Variants in NSUN2 observed in about 807,000 individuals in gnomAD.
The protein encoded by NSUN2 is NOP2/Sun RNA methyltransferase 2.
In NSUN2, 63 loss-of-function variants were observed where a neutral mutation model predicts 92.7. That is an observed-to-expected ratio of 0.68 (90% CI 0.56 to 0.84). NSUN2 has a LOEUF of 0.84. NSUN2 is among the 40% of genes least tolerant of loss of function. The pLI, the probability that NSUN2 is intolerant of heterozygous loss-of-function variation, is 0.00. For synonymous variants in NSUN2, 356 were observed against 348.3 expected, an observed-to-expected ratio of 1.02 and a Z score of -0.25; for missense variants, 989 against 964.9, an observed-to-expected ratio of 1.02 and a Z score of -0.33.
At position 6,617,953 on chromosome 5, in the gene NSUN2, T is replaced by G; in HGVS notation, c.887A>C (p.His296Pro). ...KWTTLNSLQL[H>P]GLQLRIATRG... ...GCAGTGATGAAGTTTTACTTACCCA[T>G]GTAGCTGCAAGCTATTTAAGGTGGT... Residue 296 changes from histidine to proline, a missense_variant, in exon 8 of 19, where the codon CAT (histidine) becomes CCT (proline). His to Pro is a moderately conservative substitution (Grantham distance 77). Coordinates refer to ENST00000264670, the MANE Select transcript of NSUN2 (RefSeq NM_017755.6). 6.2e-7 allele frequency: 1 copy of G among 1,612,312 alleles called. No individual in the cohort carries two copies. Among genetic ancestry groups the G allele is most frequent in the Non-Finnish European group, 8.5e-7 (1 of 1,178,460 alleles).
At chr5:6,621,149 A>C (rs1463291446) in intron 6 of NSUN2, 1 of 152,130 alleles carries the variant, frequency 6.6e-6, no homozygotes, top group Non-Finnish European at 1.5e-5. Context: ...ATTTGTTTCC[A>C]CTTAAGAGAA....
Position 6,604,689 on chromosome 5 carries a change from T to C in NSUN2, c.1738-4A>G. ...CTTTGATCCCCGTGTTAATAACCTGTAAGTAAAAAAATAAGATGAAACACA... is the reference window on the plus strand; with the variant it reads ...CTTTGATCCCCGTGTTAATAACCTGCAAGTAAAAAAATAAGATGAAACACA... On this transcript the variant is annotated splice_region_variant and splice_polypyrimidine_tract_variant and intron_variant, in intron 15 of 18. Transcript: ENST00000264670. The C allele has an allele frequency of 6.2e-7, 1 of 1,611,088 alleles. No individual in the cohort carries two copies. Among genetic ancestry groups the C allele is most frequent in the South Asian group, 1.1e-5 (1 of 91,014 alleles).
At chr5:6,624,432 C>A (rs879710167) in intron 4 of NSUN2, among the ~76,000 whole-genome samples, 1 of 152,154 alleles carries the variant, frequency 6.6e-6, no homozygotes, top group Admixed American at 6.5e-5. Context: ...ACATTTGCTA[C>A]CCACCCTAAA....
chr5:6,621,244 T>C (rs1737423549), intron 6 of NSUN2: 1 of 152,168 alleles, frequency 6.6e-6, no homozygotes, highest in Non-Finnish European at 1.5e-5. Context: ...ACATGGGATG[T>C]CTAACACTGT....
At chr5:6,626,520 T>C (rs1441146611) in intron 3 of NSUN2, among the ~76,000 whole-genome samples, 1 of 152,068 alleles carries the variant, frequency 6.6e-6, no homozygotes, top group Non-Finnish European at 1.5e-5. Context: ...ATTACAGACG[T>C]GTATTTTCAG....
In NSUN2 at chr5:6,605,296, G is replaced by C. The variant is rs369329672; in HGVS notation, c.1714C>G (p.Leu572Val). ...ACCTTCATCTTCTCACTGTTATTCA[G>C]CAGCACATTCCGCAACTCCTTAGAA... ...MVSKELRNVL[L>V]NNSEKMKVIN... Residue 572 changes from leucine to valine, a missense_variant, in exon 15 of 19, where the codon CTG becomes GTG. Leu to Val is a conservative substitution (Grantham distance 32, BLOSUM62 1). Around this residue, in one of 3 missense-constraint regions of NSUN2, gnomAD observed 626 missense variants for 602.3 expected, o/e 1.04. Transcript: ENST00000264670. 1 of 1,614,052 alleles carries C rather than the reference G, an allele frequency of 6.2e-7. No homozygotes were observed. The highest frequency in any genetic ancestry group is 8.5e-7 in the Non-Finnish European group (1 of 1,180,018).
intron 6 of NSUN2, 165 bp downstream of exon 6, chr5:6,621,851 G>A (rs184442502): frequency 1.6e-4 from 99 of 603,172 alleles, no homozygotes; most frequent in African/African-American, 1.6e-3. Flanking sequence ...TACTACTGAC[G>A]GTGGTAGGCA....
At chr5:6,630,577 T>C (rs1737838479) in intron 3 of NSUN2, among the ~76,000 whole-genome samples, 1 of 152,244 alleles carries the variant, frequency 6.6e-6, no homozygotes, top group Non-Finnish European at 1.5e-5. Flanking sequence ...TGATACTGGT[T>C]GAATACTGAC....
Position 6,604,637 on chromosome 5 carries a change from C to A in NSUN2, c.1786G>T (p.Glu596Ter). ...KVWCRNNSGEEFDCAFRLAQE... is the reference protein window; with the variant it reads ...KVWCRNNSGE ...GCCAGCCGGAAAGCACAGTCAAACT[C>A]TTCACCGCTGTTATTTCTACACCAG... The change falls in exon 16 of 19, where the codon GAG becomes TAG. Residue 596 changes from glutamate to a stop codon, truncating the protein, a stop_gained. Transcript: ENST00000264670. LOFTEE classifies it high-confidence loss of function. The A allele has an allele frequency of 6.2e-7, 1 of 1,614,182 alleles. No homozygotes were observed.
intron 16 of NSUN2, 62 bp from the exon 17 acceptor site, chr5:6,604,338 C>T: frequency 2.1e-6 from 3 of 1,435,100 alleles, no homozygotes; most frequent in East Asian, 2.3e-5. Context: ...CGACAACAGC[C>T]TGCTCTCAGG....
intron 16 of NSUN2, 94 bp downstream of exon 16, chr5:6,604,511 C>T: frequency 4.2e-6 from 5 of 1,176,602 alleles, no homozygotes; most frequent in Non-Finnish European, 5.1e-6. Flanking sequence ...AGCCCTGAGC[C>T]ACTCAGACCA....
In NSUN2 at chr5:6,620,179, T is replaced by C; in HGVS notation, c.742A>G (p.Arg248Gly). The change falls in exon 7 of 19, where the codon AGG becomes GGG. Residue 248 changes from arginine (R) to glycine (G), a missense_variant. Arg to Gly is a moderately radical substitution (Grantham distance 125, BLOSUM62 -2). This residue lies in a region of NSUN2 where 356 missense variants were observed against 338.6 expected (regional missense o/e 1.05). Coordinates refer to ENST00000264670, the MANE Select transcript of NSUN2 (RefSeq NM_017755.6). ...VVNHDASSIP[R>G]LQIDVDGRKE... Reference sequence around the variant, plus strand: ...CTGCCGTCCACATCTATCTGGAGCCTGGGTATGCTGGAGGCATCATGGTTG... The same window carrying C: ...CTGCCGTCCACATCTATCTGGAGCCCGGGTATGCTGGAGGCATCATGGTTG... 1 of 1,613,050 alleles carries C rather than the reference T, an allele frequency of 6.2e-7. No homozygotes were observed. Among genetic ancestry groups the C allele is most frequent in the Non-Finnish European group, 8.5e-7 (1 of 1,179,620 alleles).
rs1446251174 is a variant in NSUN2, at chr5:6,599,806, T to C, written c.*120A>G. Reference sequence around the variant, plus strand: ...CTCCTATGATCCCACCAGTCTGCAGTCATTAGAAATATATGCTTTACAGGC... The same window carrying C: ...CTCCTATGATCCCACCAGTCTGCAGCCATTAGAAATATATGCTTTACAGGC... On this transcript the variant is annotated 3_prime_UTR_variant, in exon 19 of 19. Transcript: ENST00000264670. 3.6e-6 allele frequency: 3 copies of C among 826,556 alleles called. No individual in the cohort carries two copies. In the East Asian group the frequency reaches 7.3e-5, roughly 20 times the overall value. 51.2% of individuals were successfully genotyped at this position (826,556 alleles called of 1,614,324 possible).
Position 6,616,870 on chromosome 5 carries a change from A to G in NSUN2, c.891-13T>C, listed in dbSNP as rs766651163. The G allele has an allele frequency of 1.2e-6, 2 of 1,609,904 alleles. No individual in the cohort carries two copies. The highest frequency in any genetic ancestry group is 3.4e-5 in the Admixed American group (2 of 59,400). On this transcript the variant is annotated splice_polypyrimidine_tract_variant and intron_variant, in intron 8 of 18. Coordinates refer to ENST00000264670, the MANE Select transcript of NSUN2 (RefSeq NM_017755.6). ...CCGCAGCTGTAAGCTAAGGGGAGAT[A>G]TCAGATGACTGCAAGGCCAAATGTA... is the stretch of plus-strand genomic sequence containing the variant.
chr5:6,607,099 C>T (rs1736807277), intron 13 of NSUN2, 101 bp downstream of exon 13: 5 of 1,211,540 alleles, frequency 4.1e-6, no homozygotes, highest in Non-Finnish European at 6.0e-6. Flanking sequence ...ACATGTACTG[C>T]CCCCTCAAAC....
chr5:6,617,355 C>T (rs1013684450), intron 8 of NSUN2, among the ~76,000 whole-genome samples: 3 of 152,088 alleles, frequency 2.0e-5, no homozygotes, highest in Non-Finnish European at 4.4e-5. Context: ...GCATGCAAGA[C>T]CATGGCATTT....
intron 5 of NSUN2, among the ~76,000 whole-genome samples, chr5:6,622,627 C>T (rs552420578): frequency 3.9e-5 from 6 of 152,186 alleles, no homozygotes; most frequent in East Asian, 1.9e-4. Context: ...GCAGGCGGAT[C>T]GCCTGAGGTC....
At chr5:6,619,070 C>G (rs1215561676) in intron 7 of NSUN2, among the ~76,000 whole-genome samples, 1 of 152,088 alleles carries the variant, frequency 6.6e-6, no homozygotes, top group Non-Finnish European at 1.5e-5. Context: ...GTTCTCAGAT[C>G]TCAGAATATG....
chr5:6,603,983 A>T (rs1268746391), intron 17 of NSUN2, 155 bp downstream of exon 17: 26 of 682,196 alleles, frequency 3.8e-5, no homozygotes, highest in Non-Finnish European at 5.9e-5. Flanking sequence ...CTGAACTGTC[A>T]ATCAGGGATC....
Sources: gnomAD v4.1 joint callset for allele counts (sites outside exome capture counted in the v4.1 genomes callset) on GRCh38, gnomAD v4.1.1 for gene constraint, gnomAD v4.1.1 regional missense constraint, MANE v1.5 for transcripts, NCBI Gene and HGNC (gene_info 2026-07-23, HGNC 2026-07-21) for gene names.